Variants in RALYL observed in about 807,000 individuals in gnomAD.
RALYL encodes the protein RNA-binding Raly-like protein.
A neutral mutation model predicts 35.1 loss-of-function variants in RALYL; 29 were observed. The ratio of observed to expected loss-of-function variants is 0.83; its 90% CI spans 0.61 to 1.13. The LOEUF (loss-of-function observed/expected upper bound fraction) is 1.13, where lower values mean the gene tolerates loss of function less well. Ranked by LOEUF, RALYL falls within the 50% of genes most tolerant of loss-of-function variation. The pLI is 0.00. For synonymous variants in RALYL, 120 were observed against 127.6 expected, an observed-to-expected ratio of 0.94 and a Z score of 0.40; for missense variants, 359 against 360.4, an observed-to-expected ratio of 1.00 and a Z score of 0.03.
At chr8:84,265,840 A>T (rs567944909) in intron 1 of RALYL, among the ~76,000 whole-genome samples, 1 of 152,058 alleles carries the variant, frequency 6.6e-6, no homozygotes, top group Non-Finnish European at 1.5e-5. Context: ...CAAACCTATA[A>T]TTTTTTATCA....
At chr8:84,751,427 T>C (rs947556376) in intron 2 of RALYL, among the ~76,000 whole-genome samples, 2 of 152,026 alleles carry the variant, frequency 1.3e-5, no homozygotes, top group South Asian at 4.1e-4. Flanking sequence ...AGGCTGGTCT[T>C]GAACTCCTGA....
chr8:84,213,449 A>G (rs1254555988), intron 1 of RALYL, among the ~76,000 whole-genome samples: 1 of 152,186 alleles, frequency 6.6e-6, no homozygotes, highest in East Asian at 1.9e-4. Context: ...AAAGTAGAGA[A>G]TAGAAATTTT....
At chr8:84,543,742 T>C (rs2060173465) in intron 2 of RALYL, among the ~76,000 whole-genome samples, 1 of 152,106 alleles carries the variant, frequency 6.6e-6, no homozygotes, top group Non-Finnish European at 1.5e-5. Context: ...GTTTCCTTTA[T>C]TTCTGATATG....
At chr8:84,201,787 G>A (rs75873619) in intron 1 of RALYL, among the ~76,000 whole-genome samples, 3,105 of 151,854 alleles carry the variant, frequency 0.02, 112 homozygotes, top group African/African-American at 0.071. Flanking sequence ...GGTTAGTCTC[G>A]AACTCCTGAC....
chr8:84,826,792 C>G (rs1477490119), intron 4 of RALYL, among the ~76,000 whole-genome samples: 2 of 151,896 alleles, frequency 1.3e-5, no homozygotes, highest in Non-Finnish European at 2.9e-5. Context: ...GCCACACACA[C>G]TCACAAAGCT....
At chr8:84,252,611 C>T (rs549320603) in intron 1 of RALYL, among the ~76,000 whole-genome samples, 2 of 152,082 alleles carry the variant, frequency 1.3e-5, no homozygotes, top group African/African-American at 2.4e-5. Context: ...AGATAGCTAG[C>T]GTTCCTGTAG....
chr8:84,336,111 T>A (rs1847753842), intron 1 of RALYL, among the ~76,000 whole-genome samples: 1 of 152,156 alleles, frequency 6.6e-6, no homozygotes, highest in Admixed American at 6.6e-5. Context: ...GATTACAATC[T>A]CTATAGTACA....
intron 7 of RALYL, among the ~76,000 whole-genome samples, chr8:84,882,443 G>T (rs1360614905): frequency 6.6e-6 from 1 of 151,990 alleles, no homozygotes. Context: ...GTTTGGGATT[G>T]TCATGTAGAA....
At chr8:84,867,579 G>A (rs892926398) in intron 6 of RALYL, among the ~76,000 whole-genome samples, 1 of 152,070 alleles carries the variant, frequency 6.6e-6, no homozygotes, top group African/African-American at 2.4e-5. Context: ...TACACTCCAG[G>A]GTCTAAAAGA....
At chr8:84,214,426 A>T (rs1820284041) in intron 1 of RALYL, among the ~76,000 whole-genome samples, 1 of 152,168 alleles carries the variant, frequency 6.6e-6, no homozygotes, top group Admixed American at 6.6e-5. Flanking sequence ...TAAGTAGAGA[A>T]TATATAATAT....
At chr8:84,405,980 T>C (rs1003767355) in intron 1 of RALYL, among the ~76,000 whole-genome samples, 1 of 149,454 alleles carries the variant, frequency 6.7e-6, no homozygotes, top group Non-Finnish European at 1.5e-5. Flanking sequence ...TACCATAATC[T>C]AGAAAAACAA....
At chr8:84,912,853 T>C (rs549067020) in intron 8 of RALYL, among the ~76,000 whole-genome samples, 5 of 152,200 alleles carry the variant, frequency 3.3e-5, no homozygotes, top group South Asian at 2.1e-4. Flanking sequence ...CTGGATTTAT[T>C]TGATCACCTT....
At chr8:84,859,299 G>C (rs571510589) in intron 5 of RALYL, among the ~76,000 whole-genome samples, 1 of 152,112 alleles carries the variant, frequency 6.6e-6, no homozygotes, top group Non-Finnish European at 1.5e-5. Flanking sequence ...AGGATGAGGA[G>C]GGGCGCAAAG....
At chr8:84,823,252 C>A (rs1042303877) in intron 4 of RALYL, among the ~76,000 whole-genome samples, 2 of 152,158 alleles carry the variant, frequency 1.3e-5, no homozygotes, top group Admixed American at 6.6e-5. Flanking sequence ...AAGACTACAT[C>A]TTTGCCTTTG....
intron 1 of RALYL, among the ~76,000 whole-genome samples, chr8:84,296,699 C>T (rs1403100273): frequency 7.2e-6 from 1 of 139,168 alleles, no homozygotes; most frequent in Non-Finnish European, 1.5e-5. Flanking sequence ...GTTAAATCTG[C>T]TCCAAGGTTA....
At chr8:84,683,869 A>G (rs978317558) in intron 2 of RALYL, among the ~76,000 whole-genome samples, 2 of 152,102 alleles carry the variant, frequency 1.3e-5, no homozygotes, top group African/African-American at 2.4e-5. Context: ...TATATTAAGT[A>G]GAGACCAAGT....
chr8:84,208,460 T>C (rs1482290853), intron 1 of RALYL, among the ~76,000 whole-genome samples: 2 of 152,110 alleles, frequency 1.3e-5, no homozygotes, highest in Non-Finnish European at 2.9e-5. Flanking sequence ...TTTTAACTAA[T>C]CAGTAAATAG....
At chr8:84,397,530 T>C (rs1218209170) in intron 1 of RALYL, among the ~76,000 whole-genome samples, 1 of 152,158 alleles carries the variant, frequency 6.6e-6, no homozygotes, top group African/African-American at 2.4e-5. Flanking sequence ...TGCCCATTAT[T>C]ACCAACTAAG....
intron 1 of RALYL, among the ~76,000 whole-genome samples, chr8:84,258,163 T>C (rs914847489): frequency 6.6e-6 from 1 of 152,094 alleles, no homozygotes; most frequent in African/African-American, 2.4e-5. Context: ...GGTGGAGGAT[T>C]GTGGTGGTGG....
Sources: allele counts gnomAD v4.1 joint callset (sites outside exome capture counted in the v4.1 genomes callset), GRCh38; gene constraint gnomAD v4.1.1; transcripts MANE v1.5; gene names NCBI Gene and HGNC (gene_info 2026-07-23, HGNC 2026-07-21).